SHANK2: variants seen among roughly 807,000 people sequenced by gnomAD.
The protein encoded by SHANK2 is SH3 and multiple ankyrin repeat domains 2.
SHANK2 carries 43 observed loss-of-function variants against 133.7 expected under a neutral mutation model. The ratio of observed to expected loss-of-function variants is 0.32; its 90% CI spans 0.25 to 0.41. SHANK2 has a LOEUF of 0.41. Among genes scored for constraint, SHANK2 ranks in the 10% least tolerant of loss-of-function variants. SHANK2 has a pLI of 1.00. For synonymous variants in SHANK2, 1,017 were observed against 952.8 expected (o/e 1.07, Z -1.24); for missense variants, 1,994 against 2,235.8 (o/e 0.89, Z 2.18).
At chr11:71,133,891 T>A (rs1555104233) in intron 3 of SHANK2, among the ~76,000 whole-genome samples, 1 of 151,274 alleles carries the variant, frequency 6.6e-6, no homozygotes, top group Admixed American at 6.6e-5. Context: ...ACAAAACATC[T>A]GAAACTGAAA....
At chr11:71,125,608 C>A (rs1471553761) in intron 3 of SHANK2, among the ~76,000 whole-genome samples, 2 of 152,214 alleles carry the variant, frequency 1.3e-5, no homozygotes, top group African/African-American at 4.8e-5. Context: ...AGGAAAGAAG[C>A]CATCTCCATA....
intron 11 of SHANK2, among the ~76,000 whole-genome samples, chr11:70,824,738 G>C (rs1163129117): frequency 1.3e-5 from 2 of 152,206 alleles, no homozygotes; most frequent in African/African-American, 4.8e-5. Flanking sequence ...GTGTTTGCAT[G>C]GAGGCTTACA....
At chr11:70,625,347 G>C (rs1319121786) in intron 17 of SHANK2, among the ~76,000 whole-genome samples, 1 of 152,168 alleles carries the variant, frequency 6.6e-6, no homozygotes, top group African/African-American at 2.4e-5. Flanking sequence ...TTAGTTTCCA[G>C]CTCCTCCTGG....
At chr11:71,127,997 AC>A (rs2135314385) in intron 3 of SHANK2, among the ~76,000 whole-genome samples, 1 of 151,920 alleles carries the variant, frequency 6.6e-6, no homozygotes, top group South Asian at 2.1e-4. Context: ...TCTCCTTTCC[AC>A]CGGGGCCGAG....
At chr11:71,136,988 G>T (rs1555104885) in intron 3 of SHANK2, among the ~76,000 whole-genome samples, 1 of 152,136 alleles carries the variant, frequency 6.6e-6, no homozygotes, top group Admixed American at 6.5e-5. Context: ...TCAGCCTCCT[G>T]AGTAGCTGGG....
rs552397009 is a variant in SHANK2, at chr11:71,245,255, C to T, written c.-113+7170G>A. On this transcript the variant is annotated intron_variant, in intron 1 of 25. Coordinates refer to ENST00000601538, the MANE Select transcript of SHANK2 (RefSeq NM_012309.5). ...TCAGCCTCCCAAAGTGCTGGGATTA[C>T]AGGCCTGAGCCACCTCGACCGGCCT... 9.4e-4 allele frequency among the ~76,000 whole-genome samples: 143 copies of T among 152,260 alleles called. 1 individual carries two copies. The highest frequency in any genetic ancestry group is 3.4e-3 in the African/African-American group (141 of 41,542).
intron 1 of SHANK2, among the ~76,000 whole-genome samples, chr11:71,242,606 A>G (rs1954909775): frequency 6.6e-6 from 1 of 151,854 alleles, no homozygotes; most frequent in Non-Finnish European, 1.5e-5. Flanking sequence ...TTCCTCCCAC[A>G]CTACATCACT....
chr11:70,893,074 G>A (rs548113838), intron 11 of SHANK2, among the ~76,000 whole-genome samples: 24 of 152,296 alleles, frequency 1.6e-4, no homozygotes, highest in African/African-American at 4.8e-4. Context: ...ATGCCATGTC[G>A]CCTAGGCTCT....
At chr11:70,741,283 T>TCCATC (rs1946521175) in intron 14 of SHANK2, among the ~76,000 whole-genome samples, 1 of 122,000 alleles carries the variant, frequency 8.2e-6, no homozygotes, top group African/African-American at 3.3e-5. Flanking sequence ...ATCCATCCAT[T>TCCATC]CATCCATCCG....
chr11:70,527,118 G>A (rs1554972318), intron 17 of SHANK2, among the ~76,000 whole-genome samples: 1 of 152,194 alleles, frequency 6.6e-6, no homozygotes, highest in Non-Finnish European at 1.5e-5. Flanking sequence ...ACCCACAAAC[G>A]GCTCTGATTC....
chr11:71,230,189 C>T (rs934803006), intron 1 of SHANK2, among the ~76,000 whole-genome samples: 2 of 152,114 alleles, frequency 1.3e-5, no homozygotes, highest in African/African-American at 2.4e-5. Context: ...ACTTGGGAGG[C>T]GGAGGCAGGA....
intron 2 of SHANK2, among the ~76,000 whole-genome samples, chr11:71,172,122 G>T (rs945069840): frequency 6.6e-6 from 1 of 152,140 alleles, no homozygotes; most frequent in Non-Finnish European, 1.5e-5. Flanking sequence ...GTAACCAAAA[G>T]GAGCAAACAA....
chr11:71,251,986 G>A (rs1301720413), intron 1 of SHANK2, among the ~76,000 whole-genome samples: 1 of 152,100 alleles, frequency 6.6e-6, no homozygotes, highest in African/African-American at 2.4e-5. Flanking sequence ...CCGGGTCCTA[G>A]GGCTGGCGGG....
chr11:70,561,666 C>G (rs1453581785), intron 17 of SHANK2, among the ~76,000 whole-genome samples: 1 of 151,032 alleles, frequency 6.6e-6, no homozygotes, highest in East Asian at 2.0e-4. Context: ...GTAGCCAGGA[C>G]TGCAGACGTG....
intron 10 of SHANK2, chr11:70,948,176 G>A (rs551195135): frequency 9.6e-5 from 40 of 415,554 alleles, no homozygotes; most frequent in African/African-American, 2.2e-4. Context: ...GGCTCCCAGC[G>A]TGAAGGAAAC....
At chr11:71,189,247 T>G (rs1565503711) in intron 2 of SHANK2, among the ~76,000 whole-genome samples, 1 of 152,244 alleles carries the variant, frequency 6.6e-6, no homozygotes, top group African/African-American at 2.4e-5. Context: ...GACCCCGTTC[T>G]GTTCCATTTC....
chr11:70,721,728 C>T (rs1946079043), intron 14 of SHANK2, among the ~76,000 whole-genome samples: 1 of 152,232 alleles, frequency 6.6e-6, no homozygotes. Context: ...ACCCTGCATG[C>T]AGGACTTCCA....
chr11:71,110,135 A>C (rs577259818), intron 5 of SHANK2, 86 bp from the exon 6 acceptor site: 45 of 1,048,144 alleles, frequency 4.3e-5, no homozygotes, highest in Non-Finnish European at 6.0e-5. Flanking sequence ...CTCTACAAAA[A>C]ATAGAAAAAT....
chr11:70,818,672 C>A (rs1016702419), intron 12 of SHANK2, among the ~76,000 whole-genome samples: 4 of 152,210 alleles, frequency 2.6e-5, no homozygotes, highest in African/African-American at 9.7e-5. Context: ...GAATCTAGAC[C>A]AGAAGCAGCT....
Sources: gnomAD v4.1 joint callset for allele counts (sites outside exome capture counted in the v4.1 genomes callset) on GRCh38, gnomAD v4.1.1 for gene constraint, MANE v1.5 for transcripts, NCBI Gene and HGNC (gene_info 2026-07-23, HGNC 2026-07-21) for gene names.